ALS2: variants seen among roughly 807,000 people sequenced by gnomAD.
ALS2 encodes the protein alsin.
In ALS2, 117 loss-of-function variants were observed where a neutral mutation model predicts 203.4. The ratio of observed to expected loss-of-function variants is 0.58; its 90% CI spans 0.50 to 0.67. The LOEUF (loss-of-function observed/expected upper bound fraction) is 0.67, where lower values mean the gene tolerates loss of function less well. Ranked by LOEUF, ALS2 falls within the 30% of genes least tolerant of loss-of-function variation. ALS2 has a pLI of 0.00. For missense variants in ALS2, 1,715 were observed against 1,989.4 expected (o/e 0.86, Z 2.62); for synonymous variants, 718 against 725.9 (o/e 0.99, Z 0.17).
chr2:201,741,680 T>C lies in ALS2; in HGVS notation c.2345A>G (p.Tyr782Cys). The change falls in exon 11 of 34, where the codon TAT (tyrosine) becomes TGT (cysteine). Residue 782 changes from tyrosine to cysteine, a missense_variant. By Grantham distance (194) the Tyr-to-Cys change is radical. Coordinates refer to ENST00000264276, the MANE Select transcript of ALS2 (RefSeq NM_020919.4). ...LKHSSLFLDSYTEYCTSITNF... is the reference protein window; with the variant it reads ...LKHSSLFLDSCTEYCTSITNF... ...CACGGGACTGGATACTTGCTCTGTA[T>C]AACTATCCAAGAAGAGACTTGAATG... 1.2e-6 allele frequency: 2 copies of C among 1,614,020 alleles called. No homozygotes were observed. Among genetic ancestry groups the C allele is most frequent in the Non-Finnish European group, 1.7e-6 (2 of 1,179,940 alleles).
At chr2:201,725,965 T>C (rs953064653) in intron 19 of ALS2, among the ~76,000 whole-genome samples, 1 of 152,238 alleles carries the variant, frequency 6.6e-6, no homozygotes, top group Non-Finnish European at 1.5e-5. Context: ...TACAAAATAC[T>C]GCCATAAACT....
intron 5 of ALS2, among the ~76,000 whole-genome samples, chr2:201,756,724 A>G (rs188701874): frequency 3.7e-4 from 57 of 152,372 alleles, no homozygotes; most frequent in Middle Eastern, 3.4e-3. Flanking sequence ...AAGTCTGCCA[A>G]ATCCTGGTCT....
intron 3 of ALS2, chr2:201,763,142 G>C (rs534666256): frequency 1.8e-5 from 4 of 217,120 alleles, no homozygotes; most frequent in African/African-American, 4.7e-5. Flanking sequence ...GGTGGCCACT[G>C]CCATCCAAGG....
At chr2:201,739,235 CAAA>C (rs34341730) in intron 11 of ALS2, among the ~76,000 whole-genome samples, 13 of 41,084 alleles carry the variant, frequency 3.2e-4, no homozygotes, top group African/African-American at 7.5e-4. Context: ...GACTGTCTCC[CAAA>C]AAAAAAAAAA....
intron 10 of ALS2, 58 bp from the exon 11 acceptor site, chr2:201,741,912 TG>T: frequency 4.2e-6 from 6 of 1,428,536 alleles, no homozygotes; most frequent in African/African-American, 1.4e-5. Flanking sequence ...CACTTTATTA[TG>T]ATGTGATTAT....
intron 9 of ALS2, among the ~76,000 whole-genome samples, chr2:201,744,979 C>A (rs1358940930): frequency 6.6e-6 from 1 of 152,122 alleles, no homozygotes; most frequent in Non-Finnish European, 1.5e-5. Context: ...ACCCCAGATA[C>A]CACTGTATAA....
chr2:201,727,046 T>TA lies in ALS2; in HGVS notation c.2979+165dup, dbSNP rs11392576. On this transcript the variant is annotated intron_variant, in intron 17 of 33. Coordinates refer to ENST00000264276, the MANE Select transcript of ALS2 (RefSeq NM_020919.4). ...CTATATGTTTAAAATTAAGTCACAT[T>TA]AAAAAAAAAAACAATGAAGAACCTA... Among the ~76,000 whole-genome samples the TA allele has an allele frequency of 0.28, 41,541 of 146,996 alleles. 6,291 individuals carry two copies. The highest frequency in any genetic ancestry group is 0.62 in the East Asian group (3,140 of 5,096).
rs1173504155 is a variant in ALS2, at chr2:201,709,995, G to A, written c.4166C>T (p.Thr1389Ile). Reference protein sequence around the residue: ...PLHPLGRLVETLVAVYRMTYV... With the variant: ...PLHPLGRLVEILVAVYRMTYV... ...TGTCATTCTATACACTGCAACCAGT[G>A]TCTCCACAAGCCTGCCCAGGGGGTG... is the stretch of plus-strand genomic sequence containing the variant. The change falls in exon 27 of 34, where the codon ACA becomes ATA. Residue 1389 changes from threonine (T) to isoleucine (I), a missense_variant. Thr to Ile is a moderately conservative substitution (Grantham distance 89). Around this residue, in one of 3 missense-constraint regions of ALS2, gnomAD observed 1,227 missense variants for 1,413.5 expected, o/e 0.87. Transcript: ENST00000264276. 1 of 1,613,978 alleles carries A rather than the reference G, an allele frequency of 6.2e-7. No homozygotes were observed. Among genetic ancestry groups the A allele is most frequent in the Admixed American group, 1.7e-5 (1 of 60,014 alleles).
At chr2:201,722,940 A>G in intron 23 of ALS2, 103 bp downstream of exon 23, 1 of 921,714 alleles carries the variant, frequency 1.1e-6, no homozygotes. Flanking sequence ...CGTGCACTTG[A>G]AAGGGGTGAA....
At chr2:201,772,027 G>A (rs750239487) in intron 1 of ALS2, among the ~76,000 whole-genome samples, 3 of 152,150 alleles carry the variant, frequency 2.0e-5, no homozygotes, top group Admixed American at 1.3e-4. Context: ...CTTCTGAACC[G>A]CAGGACACAG....
chr2:201,704,350 T>A, intron 32 of ALS2, 104 bp downstream of exon 32: 1 of 1,530,780 alleles, frequency 6.5e-7, no homozygotes, highest in Non-Finnish European at 9.0e-7. Context: ...GTTAATCGAT[T>A]TTTTTCTAGT....
At chr2:201,754,422 A>G in intron 6 of ALS2, 81 bp downstream of exon 6, 1 of 1,559,160 alleles carries the variant, frequency 6.4e-7, no homozygotes, top group Non-Finnish European at 8.8e-7. Flanking sequence ...CTCTATGAGG[A>G]AAGTGAGATT....
At chr2:201,733,603 C>G (rs1359055949) in intron 12 of ALS2, 165 bp from the exon 13 acceptor site, 17 of 673,748 alleles carry the variant, frequency 2.5e-5, no homozygotes, top group Admixed American at 5.6e-5. Context: ...AAAAGAATTT[C>G]CCTATCTATA....
chr2:201,710,313 T>A (rs1689960341), intron 26 of ALS2, among the ~76,000 whole-genome samples: 1 of 151,940 alleles, frequency 6.6e-6, no homozygotes, highest in South Asian at 2.1e-4. Context: ...AAAGAAAGAT[T>A]CTGCTGGATG....
At chr2:201,715,326 G>A (rs1012350630) in intron 25 of ALS2, among the ~76,000 whole-genome samples, 1 of 152,174 alleles carries the variant, frequency 6.6e-6, no homozygotes, top group African/African-American at 2.4e-5. Context: ...CACAGTACTT[G>A]CTTTCACGTT....
chr2:201,780,067 T>A (rs1012186276), intron 1 of ALS2: 1 of 152,202 alleles, frequency 6.6e-6, no homozygotes, highest in African/African-American at 2.4e-5. Context: ...GGTACAGCAG[T>A]CAGTTCCTTC....
chr2:201,769,483 A>G (rs1694272115), intron 1 of ALS2, among the ~76,000 whole-genome samples: 2 of 152,192 alleles, frequency 1.3e-5, no homozygotes, highest in Admixed American at 6.5e-5. Flanking sequence ...ATTTTCCCCA[A>G]ATCACCTTCG....
intron 12 of ALS2, among the ~76,000 whole-genome samples, chr2:201,735,373 T>A (rs757659597): frequency 6.6e-6 from 1 of 152,184 alleles, no homozygotes; most frequent in Non-Finnish European, 1.5e-5. Flanking sequence ...AATATGACAT[T>A]ACATATATTT....
chr2:201,733,390 C>T lies in ALS2; in HGVS notation c.2466G>A (p.Val822=), dbSNP rs2276615. ...NQELLQDLSE[V]NDENTQLMEI... ...CCATCAACTGAGTGTTTTCGTCATT[C>T]ACTTCTGACAAATCTTGCAACAGCT... The change falls in exon 13 of 34, where the codon GTG becomes GTA. Residue 822 remains valine (V), a synonymous_variant. Transcript: ENST00000264276. 921,711 of 1,612,934 alleles carry T rather than the reference C, an allele frequency of 0.57. 274,463 individuals are homozygous for T. Among genetic ancestry groups the T allele is most frequent in the Admixed American group, 0.64 (38,351 of 59,988 alleles).
Sources: allele counts gnomAD v4.1 joint callset (sites outside exome capture counted in the v4.1 genomes callset), GRCh38; gene constraint gnomAD v4.1.1; regional missense constraint gnomAD v4.1.1; transcripts MANE v1.5; gene names NCBI Gene and HGNC (gene_info 2026-07-23, HGNC 2026-07-21).